Variants in GNAL observed in about 807,000 individuals in gnomAD.
The protein encoded by GNAL is guanine nucleotide-binding protein G(olf) subunit alpha.
In GNAL, 18 loss-of-function variants were observed where a neutral mutation model predicts 55.1. The observed-to-expected ratio is 0.33, with a 90% CI of 0.23 to 0.48. GNAL has a LOEUF of 0.48. Among genes scored for constraint, GNAL ranks in the 20% least tolerant of loss-of-function variants. The pLI, the probability that GNAL is intolerant of heterozygous loss-of-function variation, is 0.99. For missense variants in GNAL, 412 were observed against 614.1 expected (o/e 0.67, Z 3.48); for synonymous variants, 253 against 237.0 (o/e 1.07, Z -0.62).
intron 1 of GNAL, among the ~76,000 whole-genome samples, chr18:11,694,141 T>G (rs1396893636): frequency 6.6e-6 from 1 of 152,152 alleles, no homozygotes; most frequent in East Asian, 1.9e-4. Flanking sequence ...TGAGCCATTG[T>G]GTCCAGTCAA....
At chr18:11,723,269 G>A (rs959926558) in intron 1 of GNAL, among the ~76,000 whole-genome samples, 3 of 152,240 alleles carry the variant, frequency 2.0e-5, no homozygotes, top group Admixed American at 6.5e-5. Flanking sequence ...GAGTGTGGCT[G>A]TGTTCCAATA....
chr18:11,750,540 G>A (rs2032793232), intron 1 of GNAL, among the ~76,000 whole-genome samples: 1 of 152,134 alleles, frequency 6.6e-6, no homozygotes, highest in African/African-American at 2.4e-5. Context: ...GGGACAGCCT[G>A]AAACCCAATG....
chr18:11,750,377 G>A (rs1358913338), intron 1 of GNAL, among the ~76,000 whole-genome samples: 1 of 152,172 alleles, frequency 6.6e-6, no homozygotes, highest in Non-Finnish European at 1.5e-5. Flanking sequence ...GGATGGGCTG[G>A]GCTAGGGATC....
Position 11,759,019 on chromosome 18 carries a change from A to G in GNAL, c.624+5074A>G, listed in dbSNP as rs192318560. On this transcript the variant is annotated intron_variant, in intron 4 of 11. Transcript: ENST00000334049. The stretch of plus-strand genomic sequence containing the variant: ...GAAACCCCGTCTCTACTAAAATTAG[A>G]AAAATTAGCCGGGCATGGTGGCGGG... 9.2e-5 allele frequency among the ~76,000 whole-genome samples: 14 copies of G among 152,272 alleles called. No individual in the cohort carries two copies. In the East Asian group the frequency reaches 1.7e-3, roughly 19 times the overall value.
chr18:11,738,955 G>A (rs1400801361), intron 1 of GNAL, among the ~76,000 whole-genome samples: 3 of 152,136 alleles, frequency 2.0e-5, no homozygotes, highest in African/African-American at 4.8e-5. Flanking sequence ...GCTCTTTGCC[G>A]CCCGACGTCA....
In GNAL at chr18:11,752,797, A is replaced by G; in HGVS notation, c.377-56A>G. 2 of 1,281,578 alleles carry G rather than the reference A, an allele frequency of 1.6e-6. No individual in the cohort carries two copies. The highest frequency in any genetic ancestry group is 2.3e-6 in the Non-Finnish European group (2 of 877,146). 79.4% of individuals were successfully genotyped at this position (1,281,578 alleles called of 1,614,324 possible). On this transcript the variant is annotated intron_variant, in intron 1 of 11. Coordinates refer to ENST00000334049, the MANE Select transcript of GNAL (RefSeq NM_182978.4). The surrounding 1 kb of genome is among the most constrained non-coding windows in gnomAD (Gnocchi z 4.5). The stretch of plus-strand genomic sequence containing the variant: ...GATTGCTCAGACCCGGCTAGTGGTG[A>G]GAGATGGCAGCGATATCCGGACACA...
At chr18:11,803,085 T>C (rs746855752) in intron 4 of GNAL, among the ~76,000 whole-genome samples, 2 of 152,216 alleles carry the variant, frequency 1.3e-5, no homozygotes, top group Non-Finnish European at 2.9e-5. Context: ...AAAATACATA[T>C]AACATAAATT....
At position 11,872,528 on chromosome 18, in the gene GNAL, G is replaced by A. The variant is rs2036420377; in HGVS notation, c.1162+130G>A. On this transcript the variant is annotated intron_variant, in intron 10 of 11. Transcript: ENST00000334049. ...TATTTAAATCAATTTTCTTTCTACTGCCCATATCCTAAAGTATTAGAGTGT... is the reference window on the plus strand; with the variant it reads ...TATTTAAATCAATTTTCTTTCTACTACCCATATCCTAAAGTATTAGAGTGT... 3 of 624,764 alleles carry A rather than the reference G, an allele frequency of 4.8e-6. No individual in the cohort carries two copies. In the South Asian group the frequency reaches 5.8e-5, roughly 12 times the overall value. 38.7% of individuals were successfully genotyped at this position (624,764 alleles called of 1,614,324 possible). A position where few individuals can be genotyped will look rare whatever the true frequency, so the allele number is the denominator to read the frequency against.
intron 4 of GNAL, among the ~76,000 whole-genome samples, chr18:11,820,808 TTGAAG>T (rs1293687185): frequency 1.3e-5 from 2 of 152,244 alleles, no homozygotes; most frequent in Non-Finnish European, 2.9e-5. Context: ...CATGAGGAAG[TTGAAG>T]TGAAGAGAGA....
intron 4 of GNAL, among the ~76,000 whole-genome samples, chr18:11,802,422 A>T (rs2034544577): frequency 6.6e-6 from 1 of 152,020 alleles, no homozygotes; most frequent in South Asian, 2.1e-4. Context: ...CCCCACTGCC[A>T]CCCTACACCC....
intron 1 of GNAL, among the ~76,000 whole-genome samples, chr18:11,701,522 C>A (rs981019977): frequency 7.0e-6 from 1 of 142,140 alleles, no homozygotes; most frequent in South Asian, 2.3e-4. Flanking sequence ...GCCAAGAGTG[C>A]GTCGTTCCAC....
intron 4 of GNAL, among the ~76,000 whole-genome samples, chr18:11,793,571 G>C (rs567405208): frequency 5.0e-4 from 74 of 147,014 alleles, no homozygotes; most frequent in African/African-American, 1.8e-3. Context: ...AATAGAGCAA[G>C]ATCCTGTCTC....
chr18:11,864,110 C>T (rs1171829033), intron 6 of GNAL, among the ~76,000 whole-genome samples: 7 of 122,424 alleles, frequency 5.7e-5, no homozygotes, highest in Admixed American at 4.9e-4. Context: ...TTTTTTGAGA[C>T]GGAGTCTCAC....
intron 1 of GNAL, among the ~76,000 whole-genome samples, chr18:11,696,089 T>C (rs1213918559): frequency 1.3e-5 from 2 of 152,238 alleles, no homozygotes; most frequent in African/African-American, 2.4e-5. Context: ...GCCTTGGGCA[T>C]ATCCTTATTA....
intron 1 of GNAL, among the ~76,000 whole-genome samples, chr18:11,703,898 G>T (rs753964259): frequency 2.0e-5 from 3 of 151,936 alleles, no homozygotes; most frequent in Non-Finnish European, 2.9e-5. Flanking sequence ...ATGGAGGCAG[G>T]CTGCACCCTA....
At position 11,884,316 on chromosome 18, in the gene GNAL, G is replaced by GTGAT. The variant is rs1242973068; in HGVS notation, c.*3185_*3188dup. On this transcript the variant is annotated 3_prime_UTR_variant, in exon 12 of 12. Coordinates refer to ENST00000334049, the MANE Select transcript of GNAL (RefSeq NM_182978.4). ...ATTTATTTTGCAGTTACTCATTTCA[G>GTGAT]TGATTGAGAATTTCTGTGCTGTGCA... 1.9e-5 allele frequency: 16 copies of GTGAT among 855,096 alleles called. No homozygotes were observed. The highest frequency in any genetic ancestry group is 1.7e-5 in the African/African-American group (1 of 59,124). The allele number at this position is 855,096 out of a possible 1,614,324, so 53.0% of individuals were successfully genotyped here. A position where few individuals can be genotyped will look rare whatever the true frequency, so the allele number is the denominator to read the frequency against.
chr18:11,878,248 C>T (rs554503761), intron 11 of GNAL, among the ~76,000 whole-genome samples: 26 of 152,270 alleles, frequency 1.7e-4, no homozygotes, highest in African/African-American at 5.5e-4. Flanking sequence ...GCCAGAAGTT[C>T]GAGATCAGCT....
At chr18:11,733,833 T>G (rs1242508674) in intron 1 of GNAL, among the ~76,000 whole-genome samples, 3 of 145,412 alleles carry the variant, frequency 2.1e-5, no homozygotes, top group Non-Finnish European at 3.0e-5. Flanking sequence ...TCTATAGCCA[T>G]GCAACAAAAC....
chr18:11,694,192 C>A (rs2031341030), intron 1 of GNAL, among the ~76,000 whole-genome samples: 1 of 152,000 alleles, frequency 6.6e-6, no homozygotes, highest in Admixed American at 6.6e-5. Context: ...TGAGGTTAGT[C>A]CCGTCTCCCA....
Sources: gnomAD v4.1 joint callset for allele counts (sites outside exome capture counted in the v4.1 genomes callset) on GRCh38, gnomAD v4.1.1 for gene constraint, Gnocchi (gnomAD v3.1) non-coding constraint, MANE v1.5 for transcripts, NCBI Gene and HGNC (gene_info 2026-07-23, HGNC 2026-07-21) for gene names.